Variants in L3MBTL4 observed in about 807,000 individuals in gnomAD.
The protein encoded by L3MBTL4 is lethal(3)malignant brain tumor-like protein 4.
Under a neutral mutation model 84.5 loss-of-function variants are expected in L3MBTL4, and 70 were observed. The observed-to-expected ratio is 0.83, with a 90% confidence interval of 0.68 to 1.01. The LOEUF is 1.01. Among genes scored for constraint, L3MBTL4 ranks in the 50% least tolerant of loss-of-function variants. The pLI is 0.00. For synonymous variants in L3MBTL4, 274 were observed against 259.8 expected, an observed-to-expected ratio of 1.05 and a Z score of -0.52; for missense variants, 715 against 754.8, an observed-to-expected ratio of 0.95 and a Z score of 0.62.
In L3MBTL4 at chr18:6,171,855, T is replaced by C; in HGVS notation, c.1069A>G (p.Thr357Ala). 1 of 1,551,254 alleles carries C rather than the reference T, an allele frequency of 6.4e-7. No homozygotes were observed. The highest frequency in any genetic ancestry group is 1.4e-5 in the African/African-American group (1 of 73,354). The change falls in exon 13 of 19, where the codon ACA (threonine) becomes GCA (alanine). Residue 357 changes from threonine (T) to alanine (A), a missense_variant. Transcript: ENST00000317931. ...TGTGGCACTTCCAGTGGATGCCCTGTGACATCACACCATCCGATCGGGTGG... is the reference window on the plus strand; with the variant it reads ...TGTGGCACTTCCAGTGGATGCCCTGCGACATCACACCATCCGATCGGGTGG... ...DIHPIGWCDV[T>A]GHPLEVPQRT...
chr18:6,412,362 A>G (rs1276110009), intron 1 of L3MBTL4, among the ~76,000 whole-genome samples: 1 of 152,090 alleles, frequency 6.6e-6, no homozygotes, highest in Non-Finnish European at 1.5e-5. Context: ...TTTCTTAATT[A>G]TAATAATTAA....
At chr18:6,182,300 T>C (rs936199097) in intron 12 of L3MBTL4, among the ~76,000 whole-genome samples, 4 of 152,256 alleles carry the variant, frequency 2.6e-5, no homozygotes, top group African/African-American at 9.6e-5. Flanking sequence ...GTGTCTCTTT[T>C]TGAAAAGTGT....
At chr18:6,204,651 T>C (rs1366083274) in intron 12 of L3MBTL4, among the ~76,000 whole-genome samples, 1 of 152,222 alleles carries the variant, frequency 6.6e-6, no homozygotes, top group African/African-American at 2.4e-5. Flanking sequence ...AAACAAGGCA[T>C]GTTATATACT....
intron 16 of L3MBTL4, among the ~76,000 whole-genome samples, chr18:6,024,688 AT>A (rs991167639): frequency 1.3e-5 from 2 of 152,168 alleles, no homozygotes; most frequent in Non-Finnish European, 1.5e-5. Context: ...TATAATTTAC[AT>A]TTTTTTCTCC....
At chr18:6,348,320 A>G (rs558044826) in intron 1 of L3MBTL4, among the ~76,000 whole-genome samples, 27 of 152,228 alleles carry the variant, frequency 1.8e-4, no homozygotes, top group Non-Finnish European at 3.2e-4. Context: ...TATGAGAAGA[A>G]GAAGAACAAA....
intron 16 of L3MBTL4, chr18:6,030,916 T>A (rs2055766861): frequency 1.0e-6 from 1 of 985,004 alleles, no homozygotes; most frequent in East Asian, 1.1e-4. Context: ...GGTTTTTCCC[T>A]TTATAAATAC....
intron 4 of L3MBTL4, among the ~76,000 whole-genome samples, chr18:6,300,709 A>C (rs2050302634): frequency 1.3e-5 from 2 of 152,330 alleles, no homozygotes; most frequent in Non-Finnish European, 1.5e-5. Context: ...AACCTAAAAC[A>C]ATTTACATTA....
intron 16 of L3MBTL4, chr18:6,080,172 C>T (rs1458412386): frequency 6.6e-6 from 1 of 152,336 alleles, no homozygotes; most frequent in Non-Finnish European, 1.5e-5. Flanking sequence ...GTAGAAAGCT[C>T]AGCAATGTTC....
intron 1 of L3MBTL4, among the ~76,000 whole-genome samples, chr18:6,330,374 A>G (rs2051965952): frequency 1.3e-5 from 2 of 152,240 alleles, no homozygotes; most frequent in Admixed American, 1.3e-4. Flanking sequence ...GCTCTAGAAG[A>G]TAATCCATTT....
chr18:6,187,915 G>A (rs571276631), intron 12 of L3MBTL4, among the ~76,000 whole-genome samples: 1 of 149,084 alleles, frequency 6.7e-6, no homozygotes, highest in Non-Finnish European at 1.5e-5. Flanking sequence ...TTTGTGTGTA[G>A]TGAGAGCTAA....
At chr18:6,189,217 C>T (rs2044941163) in intron 12 of L3MBTL4, among the ~76,000 whole-genome samples, 2 of 152,146 alleles carry the variant, frequency 1.3e-5, no homozygotes, top group Non-Finnish European at 2.9e-5. Flanking sequence ...CCTCTTTTGT[C>T]TCTTATAAGG....
At chr18:6,102,934 A>G (rs1196693443) in intron 14 of L3MBTL4, among the ~76,000 whole-genome samples, 1 of 152,216 alleles carries the variant, frequency 6.6e-6, no homozygotes, top group Non-Finnish European at 1.5e-5. Flanking sequence ...TGAAGGTGAA[A>G]GAGAGAGCGA....
At chr18:6,141,782 C>T (rs1465068323) in intron 13 of L3MBTL4, among the ~76,000 whole-genome samples, 1 of 152,178 alleles carries the variant, frequency 6.6e-6, no homozygotes, top group Non-Finnish European at 1.5e-5. Context: ...ATCTATTTTC[C>T]ATCTTGCAAC....
chr18:6,296,830 T>A (rs2050127067), intron 4 of L3MBTL4, among the ~76,000 whole-genome samples: 1 of 152,026 alleles, frequency 6.6e-6, no homozygotes, highest in Admixed American at 6.6e-5. Context: ...ATTTGAGAGA[T>A]GTCAAGAAGG....
chr18:6,271,481 AGCTGCCGG>A (rs1285267237), intron 4 of L3MBTL4, among the ~76,000 whole-genome samples: 1 of 152,210 alleles, frequency 6.6e-6, no homozygotes, highest in Non-Finnish European at 1.5e-5. Flanking sequence ...ATAGTCCCGA[AGCTGCCGG>A]GCACCAGGCA....
rs532813493 is a variant in L3MBTL4 at position 6,344,245 on chromosome 18, C to T, written c.-90-32189G>A. On this transcript the variant is annotated intron_variant, in intron 1 of 18. Coordinates refer to ENST00000317931, the MANE Select transcript of L3MBTL4 (RefSeq NM_001330559.2). ...GATAGCACAGAAATACAAATTTAAGCGATCATAACACTACTATGAACAATT... is the reference window on the plus strand; with the variant it reads ...GATAGCACAGAAATACAAATTTAAGTGATCATAACACTACTATGAACAATT... Among the ~76,000 whole-genome samples, 17 of 152,042 alleles carry T rather than the reference C, an allele frequency of 1.1e-4. 1 individual carries two copies. In the South Asian group the frequency reaches 2.3e-3, roughly 20 times the overall value.
chr18:5,956,167 T>C lies in L3MBTL4; in HGVS notation c.*53A>G. 6.7e-7 allele frequency: 1 copy of C among 1,484,124 alleles called. No homozygotes were observed. Among genetic ancestry groups the C allele is most frequent in the Non-Finnish European group, 9.3e-7 (1 of 1,077,084 alleles). 91.9% of individuals were successfully genotyped at this position (1,484,124 alleles called of 1,614,324 possible). A position where few individuals can be genotyped will look rare whatever the true frequency, so the allele number is the denominator to read the frequency against. On this transcript the variant is annotated 3_prime_UTR_variant, in exon 19 of 19. Transcript: ENST00000317931. ...CACATCAAATTAATGTGCTCCACTT[T>C]TATTGCTGAAAGAGCGCAGGTCTTG...
intron 18 of L3MBTL4, among the ~76,000 whole-genome samples, chr18:5,957,147 T>C (rs1268967236): frequency 1.3e-5 from 2 of 152,184 alleles, no homozygotes; most frequent in Non-Finnish European, 2.9e-5. Flanking sequence ...ATACATACCA[T>C]TATAAGCAAA....
chr18:6,395,193 G>A (rs187242168), intron 1 of L3MBTL4: 138 of 152,264 alleles, frequency 9.1e-4, no homozygotes, highest in African/African-American at 3.2e-3. Flanking sequence ...TGAGCAAAGT[G>A]AGACCCTGTC....
Sources: allele counts gnomAD v4.1 joint callset (sites outside exome capture counted in the v4.1 genomes callset), GRCh38; gene constraint gnomAD v4.1.1; transcripts MANE v1.5; gene names NCBI Gene and HGNC (gene_info 2026-07-23, HGNC 2026-07-21).